The following ILDR2 variants were observed in gnomAD, a reference collection of about 807,000 sequenced individuals.
The protein encoded by ILDR2 is immunoglobulin-like domain-containing receptor 2.
Under a neutral mutation model 66.8 loss-of-function variants are expected in ILDR2, and 25 were observed. The observed-to-expected ratio is 0.37, with a 90% CI of 0.27 to 0.52. The LOEUF is 0.52. Among genes scored for constraint, ILDR2 ranks in the 20% least tolerant of loss-of-function variants. ILDR2 has a pLI of 0.88. For synonymous variants in ILDR2, 367 were observed against 357.2 expected (o/e 1.03, Z -0.31); for missense variants, 827 against 876.8 (o/e 0.94, Z 0.72).
chr1:166,974,111 G>T (rs950875110), intron 1 of ILDR2, among the ~76,000 whole-genome samples: 13 of 152,076 alleles, frequency 8.5e-5, no homozygotes, highest in Admixed American at 4.6e-4. Context: ...CTTCTGGCTG[G>T]TGATGCTAGA....
In ILDR2 at chr1:166,956,743, C is replaced by A. The variant is rs1387136900; in HGVS notation, c.489G>T (p.Leu163=). Residue 163 remains leucine, a synonymous_variant, in exon 3 of 10, where the codon CTG becomes CTT. Transcript: ENST00000271417. ...GTTGTTTTCACTTACCCAACACCAG[C>A]AGTTCCACTGAGTCCTCATTTTTCC... ...LEGKNEDSVE[L]LVLGRTGLLA... 6.2e-7 allele frequency: 1 copy of A among 1,613,778 alleles called. No homozygotes were observed. The highest frequency in any genetic ancestry group is 1.3e-5 in the African/African-American group (1 of 74,912).
chr1:166,905,506 G>A (rs1450542247), downstream of ILDR2, among the ~76,000 whole-genome samples: 1 of 152,126 alleles, frequency 6.6e-6, no homozygotes, highest in East Asian at 1.9e-4. Flanking sequence ...CAGACCCAGG[G>A]TCTACCAGAG....
At position 166,936,685 on chromosome 1, in the gene ILDR2, C is replaced by G. The variant is rs901220207; in HGVS notation, c.609G>C (p.Leu203=). The change falls in exon 5 of 10, where the codon CTG becomes CTC. Residue 203 remains leucine (L), a synonymous_variant. Transcript: ENST00000271417. This position sits in a 1 kb window ranked among gnomAD's most constrained non-coding sequence, Gnocchi z 5.0. ...VLLGVFLFFV[L]VGICWCQCCP... ...AGCACTGGCACCAGCAGATCCCCAC[C>G]AGGACGAAGAAGAGGAAGACGCCCA... 3 of 1,614,104 alleles carry G rather than the reference C, an allele frequency of 1.9e-6. No individual in the cohort carries two copies. The highest frequency in any genetic ancestry group is 2.5e-6 in the Non-Finnish European group (3 of 1,180,030).
intron 4 of ILDR2, among the ~76,000 whole-genome samples, chr1:166,937,213 A>T (rs1414802937): frequency 2.6e-5 from 4 of 152,118 alleles, no homozygotes; most frequent in Non-Finnish European, 5.9e-5. Context: ...AACAGTCTCT[A>T]TGTCTAGGGG....
rs1662373650 is a variant in ILDR2 at position 166,957,844 on chromosome 1, C to CTCG, written c.301_303dup (p.Arg101dup). The CTCG allele has an allele frequency of 4.3e-6, 7 of 1,614,072 alleles. No individual in the cohort carries two copies. Among genetic ancestry groups the CTCG allele is most frequent in the Non-Finnish European group, 5.9e-6 (7 of 1,180,044 alleles). The stretch of plus-strand genomic sequence containing the variant: ...GTCGAGCCCTGTTTTGAAGCTACTA[C>CTCG]TCGAACAGTCCTCCTGCTGTCCAAA... On this transcript the variant is annotated inframe_insertion, in exon 2 of 10. Transcript: ENST00000271417.
intron 3 of ILDR2, among the ~76,000 whole-genome samples, chr1:166,944,970 AC>A (rs1661528554): frequency 6.6e-6 from 1 of 152,152 alleles, no homozygotes; most frequent in Non-Finnish European, 1.5e-5. Flanking sequence ...GAGGCACCTC[AC>A]CCACCCATCA....
chr1:166,909,758 T>TA lies in ILDR2; in HGVS notation c.*9596dup, dbSNP rs1553224637. On this transcript the variant is annotated 3_prime_UTR_variant, in exon 10 of 10. Transcript: ENST00000271417. ...ATACATATATATATATATATATATA[T>TA]AAATATATATAAATATATATATTTA... 24 of 74,338 alleles carry TA rather than the reference T, an allele frequency of 3.2e-4. No individual in the cohort carries two copies. Among genetic ancestry groups the TA allele is most frequent in the African/African-American group, 1.6e-3 (24 of 14,692 alleles). The allele number at this position is 74,338 out of a possible 1,614,324, so 4.6% of individuals were successfully genotyped here. A position where few individuals can be genotyped will look rare whatever the true frequency, so the allele number is the denominator to read the frequency against.
rs1319314221 is a variant in ILDR2, at chr1:166,915,095, T to C, written c.*4260A>G. The stretch of plus-strand genomic sequence containing the variant: ...ATGAGAAAATTACCTGTAATTCTTG[T>C]TGTCTGTTCTGAGACTGTCACAATA... On this transcript the variant is annotated 3_prime_UTR_variant, in exon 10 of 10. Coordinates refer to ENST00000271417, the MANE Select transcript of ILDR2 (RefSeq NM_199351.3). 6.6e-6 allele frequency: 1 copy of C among 152,240 alleles called. No individual in the cohort carries two copies. The highest frequency in any genetic ancestry group is 1.5e-5 in the Non-Finnish European group (1 of 68,038). 9.4% of individuals were successfully genotyped at this position (152,240 alleles called of 1,614,324 possible).
At chr1:166,923,272 C>G (rs958850310) in intron 7 of ILDR2, among the ~76,000 whole-genome samples, 6 of 152,200 alleles carry the variant, frequency 3.9e-5, no homozygotes, top group African/African-American at 1.2e-4. Flanking sequence ...TGGCCCAGTC[C>G]TAAGATGGAC....
chr1:166,904,533 A>G (rs1264831144), downstream of ILDR2, among the ~76,000 whole-genome samples: 1 of 152,236 alleles, frequency 6.6e-6, no homozygotes, highest in East Asian at 1.9e-4. Flanking sequence ...CATGGGGAAT[A>G]ATGAACAAGG....
intron 2 of ILDR2, chr1:166,896,197 G>A (rs941687785): frequency 6.6e-6 from 1 of 152,532 alleles, no homozygotes; most frequent in Non-Finnish European, 1.5e-5. Flanking sequence ...GTTACTGAGA[G>A]AAGGAACTTT....
At chr1:166,919,503 C>T in intron 9 of ILDR2, 113 bp from the exon 10 acceptor site, 1 of 906,150 alleles carries the variant, frequency 1.1e-6, no homozygotes. Context: ...CCAGGCACCC[C>T]TGATTCTCAG....
At position 166,921,095 on chromosome 1, in the gene ILDR2, G is replaced by A; in HGVS notation, c.1496C>T (p.Pro499Leu). ...GTCCTCGGCGGGTCTGCGGCGCGCG[G>A]GGCTGAAGGCCCAGCCGCGGTCAGC... ...TDADRGWAFS[P>L]ARRRPAEDAH... Residue 499 changes from proline (P) to leucine (L), a missense_variant, in exon 9 of 10, where the codon CCC (proline) becomes CTC (leucine). Physicochemically the swap from Pro to Leu is moderately conservative, Grantham distance 98 (BLOSUM62 -3). Coordinates refer to ENST00000271417, the MANE Select transcript of ILDR2 (RefSeq NM_199351.3). This position sits in a 1 kb window ranked among gnomAD's most constrained non-coding sequence, Gnocchi z 5.3. The A allele has an allele frequency of 2.0e-6, 3 of 1,502,540 alleles. No individual in the cohort carries two copies. Among genetic ancestry groups the A allele is most frequent in the East Asian group, 2.6e-5 (1 of 37,818 alleles). 93.1% of individuals were successfully genotyped at this position (1,502,540 alleles called of 1,614,324 possible).
At chr1:166,903,602 G>A (rs1659296746), downstream of ILDR2, among the ~76,000 whole-genome samples, 1 of 152,202 alleles carries the variant, frequency 6.6e-6, no homozygotes, top group Non-Finnish European at 1.5e-5. Flanking sequence ...GGACAAAAAA[G>A]AGAAGAGATT....
At chr1:166,903,192 C>T (rs1161004440), downstream of ILDR2, among the ~76,000 whole-genome samples, 1 of 152,196 alleles carries the variant, frequency 6.6e-6, no homozygotes, top group Non-Finnish European at 1.5e-5. Flanking sequence ...AGAAAAAAGT[C>T]CACATTTCTC....
intron 1 of ILDR2, among the ~76,000 whole-genome samples, chr1:166,974,290 C>T (rs561246792): frequency 6.6e-6 from 1 of 152,326 alleles, no homozygotes; most frequent in South Asian, 2.1e-4. Flanking sequence ...ACATTCCTCA[C>T]CCCCATCCTA....
chr1:166,949,190 T>G lies in ILDR2; in HGVS notation c.499+7543A>C, dbSNP rs559720013. Among the ~76,000 whole-genome samples the G allele has an allele frequency of 5.2e-5, 8 of 152,384 alleles. No homozygotes were observed. The East Asian group carries it at 1.2e-3, about 22-fold the overall frequency. ...ATTGTAGAATGCTTAGCAGCCTCCC[T>G]AGTCTCTACCCACTAGATGCCACAG... On this transcript the variant is annotated intron_variant, in intron 3 of 9. Transcript: ENST00000271417.
rs1170231155 is a variant in ILDR2 at position 166,953,004 on chromosome 1, A to C, written c.499+3729T>G. Reference sequence around the variant, plus strand: ...AAACTACAACTTATTTTCAGTGTACATTAGTATTAGTGCTAGATGTAGTAA... The same window carrying C: ...AAACTACAACTTATTTTCAGTGTACCTTAGTATTAGTGCTAGATGTAGTAA... On this transcript the variant is annotated intron_variant, in intron 3 of 9. Transcript: ENST00000271417. Among the ~76,000 whole-genome samples, 12 of 152,326 alleles carry C rather than the reference A, an allele frequency of 7.9e-5. No individual in the cohort carries two copies. The South Asian group carries it at 2.5e-3, about 32-fold the overall frequency.
chr1:166,927,023 C>T (rs1471663811), intron 7 of ILDR2, 44 bp downstream of exon 7: 6 of 1,414,966 alleles, frequency 4.2e-6, no homozygotes, highest in Non-Finnish European at 5.9e-6. Flanking sequence ...TACACACTAA[C>T]TCCTGCATAA....
Sources: gnomAD v4.1 joint callset for allele counts (sites outside exome capture counted in the v4.1 genomes callset) on GRCh38, gnomAD v4.1.1 for gene constraint, Gnocchi (gnomAD v3.1) non-coding constraint, MANE v1.5 for transcripts, NCBI Gene and HGNC (gene_info 2026-07-23, HGNC 2026-07-21) for gene names.